The following SLC35D1 variants were observed in gnomAD, a reference collection of about 807,000 sequenced individuals.
The protein encoded by SLC35D1 is solute carrier family 35 member D1.
A neutral mutation model predicts 46.7 loss-of-function variants in SLC35D1; 31 were observed. That is an observed-to-expected ratio of 0.66 (90% CI 0.50 to 0.90). The LOEUF (loss-of-function observed/expected upper bound fraction) is 0.90, where lower values mean the gene tolerates loss of function less well. SLC35D1 is among the 40% of genes least tolerant of loss of function. The pLI is 0.00. For synonymous variants in SLC35D1, 195 were observed against 164.6 expected, an observed-to-expected ratio of 1.18 and a Z score of -1.41; for missense variants, 397 against 426.2, an observed-to-expected ratio of 0.93 and a Z score of 0.60.
chr1:67,034,005 T>C (rs1461128033), intron 8 of SLC35D1, among the ~76,000 whole-genome samples: 1 of 152,184 alleles, frequency 6.6e-6, no homozygotes, highest in East Asian at 1.9e-4. Context: ...GATGTATGGA[T>C]TTAGTTCTGT....
rs141363655 is a variant in SLC35D1 at position 67,036,537 on chromosome 1, T to G, written c.729+5699A>C. On this transcript the variant is annotated intron_variant, in intron 8 of 11. Coordinates refer to ENST00000235345, the MANE Select transcript of SLC35D1 (RefSeq NM_015139.3). The stretch of plus-strand genomic sequence containing the variant: ...CCTTTATCATTATATAGTGACCTTC[T>G]TTGTGTCTTACAGTTTTTATCTTAA... Among the ~76,000 whole-genome samples the G allele has an allele frequency of 7.2e-4, 109 of 152,214 alleles. 1 individual carries two copies. In the East Asian group the frequency reaches 0.019, roughly 26 times the overall value.
At chr1:66,993,099 A>G in the SLC35D1 span, among the ~76,000 whole-genome samples, 1 of 152,318 alleles carries the variant, frequency 6.6e-6, no homozygotes, top group Admixed American at 6.5e-5. Context: ...CTTGCAAACA[A>G]TCTTTCTCCT....
At chr1:67,007,340 A>C (rs1378048332) in intron 11 of SLC35D1, among the ~76,000 whole-genome samples, 6 of 152,110 alleles carry the variant, frequency 3.9e-5, no homozygotes, top group Non-Finnish European at 1.5e-5. Context: ...GATCTCTTAC[A>C]TAAGGGCACT....
chr1:66,991,332 G>T, the SLC35D1 span, among the ~76,000 whole-genome samples: 31,111 of 152,168 alleles, frequency 0.2, 3,673 homozygotes, highest in Non-Finnish European at 0.26. Context: ...CTGGGGAGAA[G>T]AGAAGAAACA....
chr1:66,987,990 T>C, the SLC35D1 span: 7 of 152,332 alleles, frequency 4.6e-5, no homozygotes, highest in Admixed American at 4.6e-4. Flanking sequence ...GGAGTTCATA[T>C]CACATTATGT....
chr1:67,043,625 C>T (rs1177917983), intron 7 of SLC35D1, among the ~76,000 whole-genome samples: 1 of 152,142 alleles, frequency 6.6e-6, no homozygotes, highest in East Asian at 1.9e-4. Flanking sequence ...CAGGCCTAGA[C>T]CAATACCAAC....
chr1:66,973,551 G>T, the SLC35D1 span, among the ~76,000 whole-genome samples: 1 of 151,886 alleles, frequency 6.6e-6, no homozygotes, highest in African/African-American at 2.4e-5. Context: ...ATCATTTCAT[G>T]TTGATAATAT....
At chr1:67,021,411 G>T (rs1398627730) in intron 9 of SLC35D1, 124 bp downstream of exon 9, 2 of 987,346 alleles carry the variant, frequency 2.0e-6, no homozygotes, top group Admixed American at 3.5e-5. Flanking sequence ...CCTGAATCTG[G>T]AGGCTTAATT....
At chr1:67,015,859 G>T (rs1185682405) in intron 10 of SLC35D1, among the ~76,000 whole-genome samples, 10 of 152,020 alleles carry the variant, frequency 6.6e-5, no homozygotes, top group Non-Finnish European at 1.0e-4. Flanking sequence ...AGAGTAAAAG[G>T]TTTTGCTTTT....
rs1191015489 is a variant in SLC35D1, at chr1:67,050,438, T to C, written c.459A>G (p.Leu153=). Residue 153 remains leucine, a synonymous_variant, in exon 5 of 12, where the codon TTA becomes TTG. Transcript: ENST00000235345. The stretch of plus-strand genomic sequence containing the variant: ...ATATTAGAAACTTAGCTCACTTGAG[T>C]AAAACTCCTTCAGCAAACATTGTAA... ...ILFTMFAEGV[L]LKKTFSWGIK... is the part of the protein sequence containing the mutation. 2 of 1,612,236 alleles carry C rather than the reference T, an allele frequency of 1.2e-6. No individual in the cohort carries two copies. Among genetic ancestry groups the C allele is most frequent in the East Asian group, 2.2e-5 (1 of 44,820 alleles).
intron 10 of SLC35D1, among the ~76,000 whole-genome samples, chr1:67,010,231 A>G (rs1667536315): frequency 6.6e-6 from 1 of 152,180 alleles, no homozygotes; most frequent in Admixed American, 6.5e-5. Context: ...CTACCTGTTG[A>G]GTACTATGCT....
At chr1:67,030,213 T>C (rs1051255164) in intron 8 of SLC35D1, among the ~76,000 whole-genome samples, 3 of 152,170 alleles carry the variant, frequency 2.0e-5, no homozygotes, top group African/African-American at 7.2e-5. Context: ...ACTGCATGGG[T>C]ATTAAGGCTT....
At chr1:67,007,970 T>A (rs2102234725) in intron 11 of SLC35D1, among the ~76,000 whole-genome samples, 1 of 152,334 alleles carries the variant, frequency 6.6e-6, no homozygotes, top group East Asian at 1.9e-4. Context: ...ATATTCATTT[T>A]TTAAAAGTAG....
intron 7 of SLC35D1, among the ~76,000 whole-genome samples, chr1:67,044,580 C>T (rs1645230978): frequency 6.6e-6 from 1 of 152,132 alleles, no homozygotes; most frequent in Admixed American, 6.5e-5. Flanking sequence ...AGGATATCCA[C>T]CAAAACAGTG....
At chr1:67,022,133 GTGT>G (rs1049908525) in intron 8 of SLC35D1, among the ~76,000 whole-genome samples, 3 of 152,114 alleles carry the variant, frequency 2.0e-5, no homozygotes, top group African/African-American at 4.8e-5. Flanking sequence ...AAGGTATTTT[GTGT>G]TGTTGTTGTT....
intron 10 of SLC35D1, among the ~76,000 whole-genome samples, chr1:67,015,318 G>C (rs1667662205): frequency 6.6e-6 from 1 of 151,566 alleles, no homozygotes; most frequent in Non-Finnish European, 1.5e-5. Context: ...AAATTAAATA[G>C]ATTTATTTAC....
chr1:66,996,884 C>A (rs1373971376), downstream of SLC35D1, among the ~76,000 whole-genome samples: 1 of 152,174 alleles, frequency 6.6e-6, no homozygotes, highest in East Asian at 1.9e-4. Flanking sequence ...GATTAAAACA[C>A]ATGTGTTAAG....
chr1:67,002,610 T>C lies in SLC35D1; in HGVS notation c.*1730A>G, dbSNP rs1667363482. On this transcript the variant is annotated 3_prime_UTR_variant, in exon 12 of 12. Coordinates refer to ENST00000235345, the MANE Select transcript of SLC35D1 (RefSeq NM_015139.3). ...AGTCTAAGGCTCTTAATGAAGCTTGTAACTTGGGAGTTGGTTGCAGGGATA... is the reference window on the plus strand; with the variant it reads ...AGTCTAAGGCTCTTAATGAAGCTTGCAACTTGGGAGTTGGTTGCAGGGATA... 2 of 152,312 alleles carry C rather than the reference T, an allele frequency of 1.3e-5. No homozygotes were observed. Among genetic ancestry groups the C allele is most frequent in the Non-Finnish European group, 2.9e-5 (2 of 68,054 alleles). 9.4% of individuals were successfully genotyped at this position (152,312 alleles called of 1,614,324 possible). A position where few individuals can be genotyped will look rare whatever the true frequency, so the allele number is the denominator to read the frequency against.
chr1:67,008,768 G>C (rs1199960407), intron 11 of SLC35D1, among the ~76,000 whole-genome samples: 2 of 151,968 alleles, frequency 1.3e-5, no homozygotes, highest in African/African-American at 4.8e-5. Flanking sequence ...ACCACGCCCA[G>C]GTAATTTTGT....
Sources: gnomAD v4.1 joint callset for allele counts (sites outside exome capture counted in the v4.1 genomes callset) on GRCh38, gnomAD v4.1.1 for gene constraint, MANE v1.5 for transcripts, NCBI Gene and HGNC (gene_info 2026-07-23, HGNC 2026-07-21) for gene names.